The following TRPM6 variants were observed in gnomAD, a reference collection of about 807,000 sequenced individuals.
TRPM6 encodes transient receptor potential cation channel subfamily M member 6, also known as channel kinase 2.
TRPM6 carries 111 observed loss-of-function variants against 247.6 expected under a neutral mutation model. The ratio of observed to expected loss-of-function variants is 0.45; its 90% CI spans 0.38 to 0.52. The LOEUF is 0.52. Among genes scored for constraint, TRPM6 ranks in the 20% least tolerant of loss-of-function variants. The pLI, the probability that TRPM6 is intolerant of heterozygous loss-of-function variation, is 0.00. For synonymous variants in TRPM6, 892 were observed against 853.8 expected, an observed-to-expected ratio of 1.04 and a Z score of -0.78; for missense variants, 2,126 against 2,421.5, an observed-to-expected ratio of 0.88 and a Z score of 2.56.
rs757385970 is a variant in TRPM6, at chr9:74,762,986, C to T, written c.3685G>A (p.Asp1229Asn). 1 of 1,612,416 alleles carries T rather than the reference C, an allele frequency of 6.2e-7. No homozygotes were observed. Among genetic ancestry groups the T allele is most frequent in the South Asian group, 1.1e-5 (1 of 91,018 alleles). Residue 1229 changes from aspartate (D) to asparagine (N), a missense_variant, in exon 26 of 39, where the codon GAC (aspartate) becomes AAC (asparagine). This residue lies in a region of TRPM6 where 717 missense variants were observed against 715.9 expected (regional missense o/e 1.00). Coordinates refer to ENST00000360774, the MANE Select transcript of TRPM6 (RefSeq NM_017662.5). ...AGAGCCTCATCCTCTTGCAAAGTGT[C>T]AACAGCAGAAAGGACTTTCAGGGTA... ...VDTLKVLSAVDTLQEDEALLA... is the reference protein window; with the variant it reads ...VDTLKVLSAVNTLQEDEALLA...
At chr9:74,774,653 AACTCCT>A (rs1827156966) in intron 24 of TRPM6, among the ~76,000 whole-genome samples, 1 of 152,156 alleles carries the variant, frequency 6.6e-6, no homozygotes, top group African/African-American at 2.4e-5. Flanking sequence ...CCTTAGCTGA[AACTCCT>A]GGAGTCCAGA....
intron 23 of TRPM6, among the ~76,000 whole-genome samples, chr9:74,778,755 G>T (rs1827314720): frequency 6.6e-6 from 1 of 152,136 alleles, no homozygotes; most frequent in African/African-American, 2.4e-5. Flanking sequence ...CTGCTCTACA[G>T]TTCTTTGGAC....
chr9:74,831,200 A>G (rs1829534960), intron 6 of TRPM6, among the ~76,000 whole-genome samples: 1 of 152,018 alleles, frequency 6.6e-6, no homozygotes, highest in South Asian at 2.1e-4. Flanking sequence ...TGCTAATACT[A>G]TGTCTCACTG....
At chr9:74,857,013 C>G (rs1830548786) in intron 2 of TRPM6, among the ~76,000 whole-genome samples, 1 of 152,096 alleles carries the variant, frequency 6.6e-6, no homozygotes, top group Non-Finnish European at 1.5e-5. Flanking sequence ...GTAAAAGACT[C>G]AGTAATTTCA....
intron 7 of TRPM6, among the ~76,000 whole-genome samples, chr9:74,824,044 T>C (rs1188069414): frequency 1.3e-5 from 2 of 152,118 alleles, no homozygotes; most frequent in Non-Finnish European, 2.9e-5. Context: ...ATATGCTTTC[T>C]TTGCATTACC....
At position 74,762,802 on chromosome 9, in the gene TRPM6, C is replaced by T. The variant is rs772202783; in HGVS notation, c.3869G>A (p.Arg1290Gln). The part of the protein sequence containing the change: ...SSLLRSLAGG[R>Q]HPPRVQRGAL... ...CCCCCTCTGCACTCTTGGGGGATGC[C>T]GGCCTCCAGCCAGGCTCCTCAGCAA... Residue 1290 changes from arginine (R) to glutamine (Q), a missense_variant, in exon 26 of 39, where the codon CGG becomes CAG. Physicochemically the swap from Arg to Gln is conservative, Grantham distance 43. This residue lies in a region of TRPM6 where 717 missense variants were observed against 715.9 expected (regional missense o/e 1.00). Coordinates refer to ENST00000360774, the MANE Select transcript of TRPM6 (RefSeq NM_017662.5). The T allele has an allele frequency of 3.1e-6, 5 of 1,614,112 alleles. No individual in the cohort carries two copies. The highest frequency in any genetic ancestry group is 2.2e-5 in the East Asian group (1 of 44,880).
rs1448249897 is a variant in TRPM6 at position 74,765,800 on chromosome 9, T to C, written c.3537-2666A>G. The stretch of plus-strand genomic sequence containing the variant: ...AAAGAAAGATCTTCCACTTCCTCTT[T>C]CTGGGACCTTTGTAAATAGAAATTA... On this transcript the variant is annotated intron_variant, in intron 25 of 38. Transcript: ENST00000360774. Among the ~76,000 whole-genome samples the C allele has an allele frequency of 6.6e-5, 10 of 152,342 alleles. No individual in the cohort carries two copies. In the East Asian group the frequency reaches 1.7e-3, roughly 26 times the overall value.
At position 74,786,009 on chromosome 9, in the gene TRPM6, T is replaced by A; in HGVS notation, c.2784A>T (p.Arg928=). 1 of 1,614,212 alleles carries A rather than the reference T, an allele frequency of 6.2e-7. No homozygotes were observed. The highest frequency in any genetic ancestry group is 8.5e-7 in the Non-Finnish European group (1 of 1,180,036). The part of the protein sequence containing the change: ...IGLFSAGFVL[R]WGDPPFHTAG... ...CTGTGTGAAAAGGAGGGTCACCCCA[T>A]CGAAGGACGAAGCCAGCTGAAAACA... The change falls in exon 21 of 39, where the codon CGA becomes CGT. Residue 928 remains arginine (R), a synonymous_variant. Transcript: ENST00000360774.
chr9:74,831,867 C>G (rs1039803285), intron 6 of TRPM6, among the ~76,000 whole-genome samples: 3 of 152,036 alleles, frequency 2.0e-5, no homozygotes, highest in Admixed American at 6.6e-5. Context: ...CAAGGTAAAC[C>G]AAGTGATTGG....
At chr9:74,879,052 A>G (rs914654498) in intron 1 of TRPM6, among the ~76,000 whole-genome samples, 5 of 152,252 alleles carry the variant, frequency 3.3e-5, no homozygotes, top group Admixed American at 2.0e-4. Flanking sequence ...GAGATACAAG[A>G]GAACTTGAAA....
intron 19 of TRPM6, among the ~76,000 whole-genome samples, chr9:74,791,563 G>C (rs1020653689): frequency 6.6e-6 from 1 of 152,000 alleles, no homozygotes; most frequent in Non-Finnish European, 1.5e-5. Flanking sequence ...CACATCTAAA[G>C]CACAGCTCAT....
intron 27 of TRPM6, among the ~76,000 whole-genome samples, chr9:74,757,057 A>G (rs1276372442): frequency 6.6e-6 from 1 of 152,000 alleles, no homozygotes; most frequent in African/African-American, 2.4e-5. Context: ...GTATGCCTAT[A>G]GTCCCAGCTA....
chr9:74,753,640 G>A (rs1250026224), intron 28 of TRPM6, among the ~76,000 whole-genome samples: 1 of 152,188 alleles, frequency 6.6e-6, no homozygotes, highest in Admixed American at 6.5e-5. Flanking sequence ...AGGCTGCAGT[G>A]AGCTGTGATC....
At chr9:74,774,682 T>C (rs1827157770) in intron 24 of TRPM6, among the ~76,000 whole-genome samples, 1 of 152,186 alleles carries the variant, frequency 6.6e-6, no homozygotes, top group Non-Finnish European at 1.5e-5. Context: ...ATTTTAGAAT[T>C]CAGAACTGTT....
intron 27 of TRPM6, among the ~76,000 whole-genome samples, chr9:74,757,591 G>A (rs1826472527): frequency 6.8e-6 from 1 of 147,946 alleles, no homozygotes. Flanking sequence ...AAGGAGGGGA[G>A]GGTAGGGGAA....
At chr9:74,737,348 G>T (rs1030130427) in intron 36 of TRPM6, 4 of 1,285,662 alleles carry the variant, frequency 3.1e-6, no homozygotes, top group Non-Finnish European at 4.1e-6. Flanking sequence ...GTACTTTGCA[G>T]TCTTACCGGA....
intron 3 of TRPM6, among the ~76,000 whole-genome samples, chr9:74,854,441 A>C (rs1265086778): frequency 6.6e-6 from 1 of 152,092 alleles, no homozygotes; most frequent in Non-Finnish European, 1.5e-5. Context: ...TGTGGTCTTC[A>C]CCATTACTTT....
intron 5 of TRPM6, among the ~76,000 whole-genome samples, chr9:74,834,828 A>G (rs537020212): frequency 1.6e-4 from 25 of 152,092 alleles, no homozygotes; most frequent in Admixed American, 1.5e-3. Context: ...TCTTAATCCA[A>G]TCTATCCCTG....
chr9:74,844,120 T>C (rs1266206220), intron 3 of TRPM6, among the ~76,000 whole-genome samples: 1 of 152,220 alleles, frequency 6.6e-6, no homozygotes, highest in Admixed American at 6.5e-5. Flanking sequence ...GGAGTACATT[T>C]AGCATAATTA....
Sources: gnomAD v4.1 joint callset for allele counts (sites outside exome capture counted in the v4.1 genomes callset) on GRCh38, gnomAD v4.1.1 for gene constraint, gnomAD v4.1.1 regional missense constraint, MANE v1.5 for transcripts, NCBI Gene and HGNC (gene_info 2026-07-23, HGNC 2026-07-21) for gene names.